NINJ2: variants seen among roughly 807,000 people sequenced by gnomAD.
NINJ2 encodes ninjurin 2.
In NINJ2, 12 loss-of-function variants were observed where a neutral mutation model predicts 11.7. That is an observed-to-expected ratio of 1.02 (90% CI 0.66 to 1.66). NINJ2 has a LOEUF of 1.66. Ranked by LOEUF, NINJ2 falls within the 40% of genes most tolerant of loss-of-function variation. The pLI, the probability that NINJ2 is intolerant of heterozygous loss-of-function variation, is 0.00. For synonymous variants in NINJ2, 93 were observed against 76.8 expected, an observed-to-expected ratio of 1.21 and a Z score of -1.10; for missense variants, 187 against 181.8, an observed-to-expected ratio of 1.03 and a Z score of -0.16.
chr12:587,548 T>C (rs1172547211), intron 1 of NINJ2, among the ~76,000 whole-genome samples: 2 of 152,250 alleles, frequency 1.3e-5, no homozygotes, highest in Non-Finnish European at 2.9e-5. Context: ...TCAGGCTCTC[T>C]GACCAGTGAA....
intron 1 of NINJ2, among the ~76,000 whole-genome samples, chr12:639,217 A>G (rs1948391627): frequency 6.6e-6 from 1 of 152,180 alleles, no homozygotes; most frequent in Non-Finnish European, 1.5e-5. Context: ...AACTGTAGTT[A>G]ATGTTAAATA....
chr12:611,025 G>A (rs920410442), intron 1 of NINJ2, among the ~76,000 whole-genome samples: 1 of 152,080 alleles, frequency 6.6e-6, no homozygotes, highest in Admixed American at 6.6e-5. Context: ...ATAAGCCACG[G>A]CACCTAGGCT....
chr12:612,910 T>A (rs567459919), intron 1 of NINJ2, among the ~76,000 whole-genome samples: 2 of 152,198 alleles, frequency 1.3e-5, no homozygotes, highest in Non-Finnish European at 2.9e-5. Flanking sequence ...GACAGATTGA[T>A]CGCCTGATCG....
intron 1 of NINJ2, among the ~76,000 whole-genome samples, chr12:573,004 G>A (rs1456638726): frequency 1.4e-5 from 2 of 144,706 alleles, no homozygotes; most frequent in South Asian, 4.5e-4. Context: ...TTACAGGTGT[G>A]TGCCACCACA....
At chr12:574,616 C>T (rs1285748629) in intron 1 of NINJ2, among the ~76,000 whole-genome samples, 2 of 152,096 alleles carry the variant, frequency 1.3e-5, no homozygotes, top group Non-Finnish European at 2.9e-5. Flanking sequence ...CCACCTTCTA[C>T]CAGGGAAGGA....
Position 652,931 on chromosome 12 carries a change from G to C in NINJ2, c.33+10397C>G, listed in dbSNP as rs1362019467. Among the ~76,000 whole-genome samples the C allele has an allele frequency of 7.3e-5, 9 of 123,070 alleles. No homozygotes were observed. The Admixed American group carries it at 7.8e-4, about 11-fold the overall frequency. The allele number at this position is 123,070 out of a possible 152,430, so 80.7% of individuals were successfully genotyped here. On this transcript the variant is annotated intron_variant, in intron 1 of 3. Transcript: ENST00000305108. ...CATTGCACTGCAGCCTGGGCAACAA[G>C]AGCAAAACTCTGTCTCAAAAAAAAA...
chr12:635,247 C>T lies in NINJ2; in HGVS notation c.33+28081G>A, dbSNP rs1330818505. Among the ~76,000 whole-genome samples, 4 of 152,048 alleles carry T rather than the reference C, an allele frequency of 2.6e-5. No individual in the cohort carries two copies. In the East Asian group the frequency reaches 5.8e-4, roughly 22 times the overall value. On this transcript the variant is annotated intron_variant, in intron 1 of 3. Transcript: ENST00000305108. ...TGTATTTTTAGTAGAAACAGGGTTTCGCCATGTTGGCCAGGCTGGTCTTGA... is the reference window on the plus strand; with the variant it reads ...TGTATTTTTAGTAGAAACAGGGTTTTGCCATGTTGGCCAGGCTGGTCTTGA...
intron 1 of NINJ2, among the ~76,000 whole-genome samples, chr12:652,986 A>G (rs1202137937): frequency 6.7e-6 from 1 of 149,896 alleles, no homozygotes; most frequent in African/African-American, 2.4e-5. Flanking sequence ...AAAAATTCAT[A>G]CATTTGTGAT....
intron 1 of NINJ2, among the ~76,000 whole-genome samples, chr12:658,923 T>C (rs1231356115): frequency 4.6e-5 from 7 of 151,804 alleles, no homozygotes; most frequent in African/African-American, 1.7e-4. Flanking sequence ...GGGGAGTCTA[T>C]GCATGTGGGG....
chr12:602,234 C>T (rs762887156), intron 1 of NINJ2, among the ~76,000 whole-genome samples: 4 of 152,166 alleles, frequency 2.6e-5, no homozygotes, highest in Admixed American at 6.5e-5. Flanking sequence ...CAGAGTTGTG[C>T]AAACATCATC....
At chr12:638,710 C>T (rs141047978) in intron 1 of NINJ2, among the ~76,000 whole-genome samples, 13 of 152,224 alleles carry the variant, frequency 8.5e-5, no homozygotes, top group Admixed American at 6.5e-4. Context: ...CCACCGCGCC[C>T]GGCCGACACT....
intron 1 of NINJ2, among the ~76,000 whole-genome samples, chr12:566,929 G>C (rs973064860): frequency 1.3e-5 from 2 of 152,244 alleles, no homozygotes; most frequent in African/African-American, 4.8e-5. Context: ...TATGCTGTGG[G>C]CCTCTGGGTT....
At chr12:610,297 G>T in intron 1 of NINJ2, 1 of 1,484,652 alleles carries the variant, frequency 6.7e-7, no homozygotes, top group Non-Finnish European at 9.1e-7. Context: ...CCAGTGCCCA[G>T]CACCCAGTGC....
chr12:643,726 T>C (rs1195393957), intron 1 of NINJ2: 1 of 975,628 alleles, frequency 1.0e-6, no homozygotes, highest in African/African-American at 1.8e-5. Flanking sequence ...AGGTCACATC[T>C]TTTCTGGAAC....
intron 1 of NINJ2, among the ~76,000 whole-genome samples, chr12:652,501 C>T (rs1360112515): frequency 6.6e-6 from 1 of 152,042 alleles, no homozygotes; most frequent in African/African-American, 2.4e-5. Context: ...GAGGCCAAGG[C>T]AGGCAGATCA....
At chr12:644,040 CA>C (rs1565647217) in intron 1 of NINJ2, 2 of 154,862 alleles carry the variant, frequency 1.3e-5, no homozygotes, top group Non-Finnish European at 2.9e-5. Context: ...GGCCGGCTCC[CA>C]GGGGGCCAGA....
At chr12:574,333 A>G (rs1356250570) in intron 1 of NINJ2, among the ~76,000 whole-genome samples, 2 of 152,154 alleles carry the variant, frequency 1.3e-5, no homozygotes, top group Non-Finnish European at 2.9e-5. Flanking sequence ...CAAAAAAAAT[A>G]ATAATAATAA....
At chr12:606,999 G>A (rs545848962) in intron 1 of NINJ2, among the ~76,000 whole-genome samples, 1 of 152,164 alleles carries the variant, frequency 6.6e-6, no homozygotes, top group Non-Finnish European at 1.5e-5. Context: ...CCGGAGGCCC[G>A]GCTGCAATCC....
chr12:601,274 C>T (rs180800802), intron 1 of NINJ2, among the ~76,000 whole-genome samples: 34 of 152,296 alleles, frequency 2.2e-4, no homozygotes, highest in South Asian at 4.1e-4. Context: ...AGGCCGGGCG[C>T]AGTGGCTCAC....
Sources: allele counts gnomAD v4.1 joint callset (sites outside exome capture counted in the v4.1 genomes callset), GRCh38; gene constraint gnomAD v4.1.1; transcripts MANE v1.5; gene names NCBI Gene and HGNC (gene_info 2026-07-23, HGNC 2026-07-21).